SETD7: variants seen among roughly 807,000 people sequenced by gnomAD.
SETD7 encodes SET domain containing 7, histone lysine methyltransferase.
In SETD7, 16 loss-of-function variants were observed where a neutral mutation model predicts 41.8. The ratio of observed to expected loss-of-function variants is 0.38; its 90% confidence interval spans 0.26 to 0.58. The LOEUF is 0.58. Among genes scored for constraint, SETD7 ranks in the 20% least tolerant of loss-of-function variants. SETD7 has a pLI of 0.64. For synonymous variants in SETD7, 163 were observed against 169.7 expected (o/e 0.96, Z 0.31); for missense variants, 346 against 459.7 (o/e 0.75, Z 2.26).
chr4:139,543,132 T>C (rs185258413), intron 2 of SETD7, among the ~76,000 whole-genome samples: 75 of 152,350 alleles, frequency 4.9e-4, no homozygotes, highest in Non-Finnish European at 3.1e-4. Context: ...CAAAACCTAA[T>C]GCCAGCCTTT....
At chr4:139,515,291 C>G (rs989904291) in intron 7 of SETD7, among the ~76,000 whole-genome samples, 1 of 152,036 alleles carries the variant, frequency 6.6e-6, no homozygotes, top group Non-Finnish European at 1.5e-5. Flanking sequence ...CTCATTACCC[C>G]AAATAACTAA....
Position 139,500,824 on chromosome 4 carries a change from G to A in SETD7, c.921-4303C>T, listed in dbSNP as rs539365648. 8.5e-5 allele frequency among the ~76,000 whole-genome samples: 13 copies of A among 152,114 alleles called. No homozygotes were observed. In the South Asian group the frequency reaches 1.5e-3, roughly 17 times the overall value. On this transcript the variant is annotated intron_variant, in intron 7 of 7. Coordinates refer to the SETD7 transcript ENST00000506866. Reference sequence around the variant, plus strand: ...GTGACTGGCTGCACCACTGCACCTCGCACTCTGAGTTTAAAACAAAGTCCT... The same window carrying A: ...GTGACTGGCTGCACCACTGCACCTCACACTCTGAGTTTAAAACAAAGTCCT...
chr4:139,549,577 C>T (rs932178353), intron 1 of SETD7, among the ~76,000 whole-genome samples: 2 of 148,230 alleles, frequency 1.3e-5, no homozygotes, highest in African/African-American at 4.9e-5. Flanking sequence ...CCTTTCTTAC[C>T]TCACTCCCTC....
chr4:139,550,027 A>C (rs1377156486), intron 1 of SETD7, among the ~76,000 whole-genome samples: 2 of 151,724 alleles, frequency 1.3e-5, no homozygotes, highest in South Asian at 2.1e-4. Flanking sequence ...CAATCTACCC[A>C]CCTCAGCCTC....
At chr4:139,498,559 G>A (rs1726509713) in intron 7 of SETD7, among the ~76,000 whole-genome samples, 1 of 152,150 alleles carries the variant, frequency 6.6e-6, no homozygotes, top group Non-Finnish European at 1.5e-5. Flanking sequence ...AACATGGTGT[G>A]CCCCCTCCTC....
intron 2 of SETD7, among the ~76,000 whole-genome samples, chr4:139,544,486 C>T (rs901704124): frequency 6.6e-6 from 1 of 152,108 alleles, no homozygotes; most frequent in African/African-American, 2.4e-5. Flanking sequence ...ATTTGTCTGA[C>T]ACACTGGGGT....
At chr4:139,552,132 G>A (rs57363695) in intron 1 of SETD7, among the ~76,000 whole-genome samples, 41,822 of 152,026 alleles carry the variant, frequency 0.28, 5,857 homozygotes, top group East Asian at 0.37. Flanking sequence ...TGAGGGTCAT[G>A]ATTTTAATGT....
At chr4:139,548,841 C>T (rs578065826) in intron 1 of SETD7, among the ~76,000 whole-genome samples, 1 of 152,116 alleles carries the variant, frequency 6.6e-6, no homozygotes, top group African/African-American at 2.4e-5. Context: ...AGAGGAAAGG[C>T]CCAGGAAATT....
Position 139,547,047 on chromosome 4 carries a change from G to T in SETD7, c.43C>A (p.His15Asn), listed in dbSNP as rs1727978712. The change falls in exon 2 of 8, where the codon CAC becomes AAC. Residue 15 changes from histidine to asparagine, a missense_variant and splice_region_variant. Coordinates refer to ENST00000274031, the MANE Select transcript of SETD7 (RefSeq NM_030648.4). Reference sequence around the variant, plus strand: ...TGCGGTAATCCGTCATCGTCCAGGTGCCCTGGAGAAAGGGAACCACAAGGC... The same window carrying T: ...TGCGGTAATCCGTCATCGTCCAGGTTCCCTGGAGAAAGGGAACCACAAGGC... The part of the protein sequence containing the change: ...DEMVEEAVEG[H>N]LDDDGLPHGF... 1 of 1,613,908 alleles carries T rather than the reference G, an allele frequency of 6.2e-7. No individual in the cohort carries two copies. The highest frequency in any genetic ancestry group is 8.5e-7 in the Non-Finnish European group (1 of 1,179,934).
chr4:139,522,046 T>C (rs1727190842), intron 5 of SETD7, among the ~76,000 whole-genome samples: 2 of 152,204 alleles, frequency 1.3e-5, no homozygotes, highest in Admixed American at 1.3e-4. Flanking sequence ...TGCAGCCTCA[T>C]CACAACAATA....
intron 2 of SETD7, among the ~76,000 whole-genome samples, chr4:139,544,723 T>A (rs945239843): frequency 6.6e-6 from 1 of 151,834 alleles, no homozygotes; most frequent in African/African-American, 2.4e-5. Flanking sequence ...AACACCAAAT[T>A]CAAACAAATC....
Position 139,555,957 on chromosome 4 carries a change from G to T in SETD7, c.40+141C>A. ...GCGTGACCGTGGCTGTCGGGCCCCC[G>T]CCCGAGCCGGGCAACCGGCCACCCG... is the stretch of plus-strand genomic sequence containing the variant. On this transcript the variant is annotated intron_variant, in intron 1 of 7. Transcript: ENST00000274031. The surrounding 1 kb of genome is among the most constrained non-coding windows in gnomAD (Gnocchi z 4.0). The T allele has an allele frequency of 1.4e-6, 1 of 719,966 alleles. No individual in the cohort carries two copies. The highest frequency in any genetic ancestry group is 1.9e-6 in the Non-Finnish European group (1 of 514,838). The allele number at this position is 719,966 out of a possible 1,614,324, so 44.6% of individuals were successfully genotyped here.
intron 2 of SETD7, among the ~76,000 whole-genome samples, chr4:139,537,882 A>T (rs898582218): frequency 6.6e-6 from 1 of 152,192 alleles, no homozygotes; most frequent in Admixed American, 6.5e-5. Flanking sequence ...AAACTGGACT[A>T]CTCAGAGTGT....
In SETD7 at chr4:139,510,460, G is replaced by A. The variant is rs1475161369; in HGVS notation, c.*1203C>T. 1 of 152,200 alleles carries A rather than the reference G, an allele frequency of 6.6e-6. No individual in the cohort carries two copies. Among genetic ancestry groups the A allele is most frequent in the East Asian group, 1.9e-4 (1 of 5,198 alleles). 9.4% of individuals were successfully genotyped at this position (152,200 alleles called of 1,614,324 possible). A position where few individuals can be genotyped will look rare whatever the true frequency, so the allele number is the denominator to read the frequency against. On this transcript the variant is annotated 3_prime_UTR_variant, in exon 8 of 8. Transcript: ENST00000274031. ...TGTGATTACACATGGCTGGCAAAAT[G>A]GCTGAAATGCTATTGATAGTGTTGC...
chr4:139,520,646 T>A (rs1388553843), intron 5 of SETD7, among the ~76,000 whole-genome samples: 2 of 152,260 alleles, frequency 1.3e-5, no homozygotes, highest in Admixed American at 1.3e-4. Flanking sequence ...TATATTTTCA[T>A]AAAGATGCTC....
downstream of SETD7, among the ~76,000 whole-genome samples, chr4:139,493,540 A>AT (rs200493936): frequency 7.8e-3 from 1,096 of 139,848 alleles, 5 homozygotes; most frequent in African/African-American, 0.019. Flanking sequence ...GTACTTTACT[A>AT]TTTTTTTTTT....
At position 139,509,171 on chromosome 4, in the gene SETD7, T is replaced by C. The variant is rs1475488007; in HGVS notation, c.*2492A>G. The C allele has an allele frequency of 6.6e-6, 1 of 152,664 alleles. No individual in the cohort carries two copies. The highest frequency in any genetic ancestry group is 1.5e-5 in the Non-Finnish European group (1 of 68,506). The allele number at this position is 152,664 out of a possible 1,614,324, so 9.5% of individuals were successfully genotyped here. A position where few individuals can be genotyped will look rare whatever the true frequency, so the allele number is the denominator to read the frequency against. On this transcript the variant is annotated 3_prime_UTR_variant, in exon 8 of 8. Transcript: ENST00000274031. ...TGCTGTTACCCAGGATGCCCAGGCG[T>C]TCTCACATATGCAGAGAGAAGAGGA...
At chr4:139,534,199 A>G (rs72941358) in intron 2 of SETD7, among the ~76,000 whole-genome samples, 6 of 152,126 alleles carry the variant, frequency 3.9e-5, no homozygotes, top group Admixed American at 1.3e-4. Context: ...GTTCAGGAAC[A>G]TGTTTTCATT....
chr4:139,518,189 C>T (rs781549088), intron 6 of SETD7, 147 bp from the exon 7 acceptor site: 40 of 814,146 alleles, frequency 4.9e-5, no homozygotes, highest in Non-Finnish European at 6.3e-5. Context: ...GCGCAAGTAG[C>T]GTGATCTTGG....
Sources: allele counts gnomAD v4.1 joint callset (sites outside exome capture counted in the v4.1 genomes callset), GRCh38; gene constraint gnomAD v4.1.1; non-coding constraint Gnocchi (gnomAD v3.1); transcripts MANE v1.5; gene names NCBI Gene and HGNC (gene_info 2026-07-23, HGNC 2026-07-21).